The following ROBO2 variants were observed in gnomAD, a reference collection of about 807,000 sequenced individuals.
ROBO2 encodes roundabout guidance receptor 2.
A neutral mutation model predicts 160.8 loss-of-function variants in ROBO2; 53 were observed. That is an observed-to-expected ratio of 0.33 (90% CI 0.26 to 0.41). The LOEUF (loss-of-function observed/expected upper bound fraction) is 0.41, where lower values mean the gene tolerates loss of function less well. Ranked by LOEUF, ROBO2 falls within the 10% of genes least tolerant of loss-of-function variation. The pLI is 1.00. For synonymous variants in ROBO2, 664 were observed against 611.7 expected (o/e 1.09, Z -1.26); for missense variants, 1,577 against 1,722.4 (o/e 0.92, Z 1.49).
chr3:77,090,439 C>T (rs535657503), intron 1 of ROBO2, among the ~76,000 whole-genome samples: 3 of 143,536 alleles, frequency 2.1e-5, no homozygotes, highest in African/African-American at 5.2e-5. Context: ...TTGCAAGCTC[C>T]GTCTCCCGGG....
intron 2 of ROBO2, among the ~76,000 whole-genome samples, chr3:76,315,595 T>C (rs547929474): frequency 6.6e-6 from 1 of 152,318 alleles, no homozygotes; most frequent in East Asian, 1.9e-4. Context: ...TTGTAGAAGT[T>C]TTTTAACCTT....
At chr3:75,909,473 G>A (rs1946475460) in intron 1 of ROBO2, among the ~76,000 whole-genome samples, 1 of 152,204 alleles carries the variant, frequency 6.6e-6, no homozygotes, top group Non-Finnish European at 1.5e-5. Context: ...GGGGAACTAA[G>A]TATGTTATAC....
At chr3:77,288,636 A>AT (rs145775080) in intron 2 of ROBO2, among the ~76,000 whole-genome samples, 6,380 of 152,124 alleles carry the variant, frequency 0.042, 446 homozygotes, top group African/African-American at 0.15. Context: ...AACATGGCAG[A>AT]TTTTTTTTAC....
At chr3:76,714,298 C>T (rs577102068) in intron 2 of ROBO2, among the ~76,000 whole-genome samples, 2 of 152,168 alleles carry the variant, frequency 1.3e-5, no homozygotes, top group Admixed American at 1.3e-4. Flanking sequence ...GAGGTCTTTG[C>T]TCCAAGAGTT....
At chr3:77,537,274 T>G (rs1042983936) in intron 6 of ROBO2, among the ~76,000 whole-genome samples, 1 of 136,398 alleles carries the variant, frequency 7.3e-6, no homozygotes, top group Non-Finnish European at 1.5e-5. Context: ...TAATTGAGAG[T>G]TTTTTTTGTG....
At chr3:76,155,547 C>T (rs2072373846) in intron 2 of ROBO2, among the ~76,000 whole-genome samples, 1 of 152,072 alleles carries the variant, frequency 6.6e-6, no homozygotes, top group Non-Finnish European at 1.5e-5. Flanking sequence ...GAAGGGATTA[C>T]AAGAAAAGTC....
intron 2 of ROBO2, among the ~76,000 whole-genome samples, chr3:76,876,455 A>G (rs1370848966): frequency 2.0e-5 from 3 of 152,156 alleles, no homozygotes; most frequent in Non-Finnish European, 4.4e-5. Flanking sequence ...CAGACAGATC[A>G]CCTGAGGTCA....
chr3:76,263,830 CA>C (rs1224384809), intron 2 of ROBO2, among the ~76,000 whole-genome samples: 1 of 152,036 alleles, frequency 6.6e-6, no homozygotes, highest in African/African-American at 2.4e-5. Context: ...AAATGACCAT[CA>C]GTGATAAACT....
intron 2 of ROBO2, among the ~76,000 whole-genome samples, chr3:77,336,492 T>C (rs1323119502): frequency 2.0e-5 from 3 of 151,964 alleles, no homozygotes; most frequent in African/African-American, 7.2e-5. Flanking sequence ...TTTTAACCCA[T>C]CTCTTTCTCC....
chr3:76,331,302 A>T (rs529055393), intron 2 of ROBO2, among the ~76,000 whole-genome samples: 2 of 152,330 alleles, frequency 1.3e-5, no homozygotes, highest in Admixed American at 6.5e-5. Flanking sequence ...GATATTTAGC[A>T]TTCATAAATA....
At chr3:76,903,779 T>A (rs1329827997) in intron 2 of ROBO2, among the ~76,000 whole-genome samples, 2 of 152,122 alleles carry the variant, frequency 1.3e-5, no homozygotes, top group Non-Finnish European at 2.9e-5. Context: ...CCGATAGCCA[T>A]TTGCTTCTTC....
At chr3:76,299,162 C>T (rs1046118117) in intron 2 of ROBO2, among the ~76,000 whole-genome samples, 3 of 151,968 alleles carry the variant, frequency 2.0e-5, no homozygotes, top group Non-Finnish European at 4.4e-5. Context: ...GTAAAAAACA[C>T]AATAAGAAAG....
chr3:76,904,989 G>GT (rs1215014845), intron 2 of ROBO2, among the ~76,000 whole-genome samples: 4 of 152,108 alleles, frequency 2.6e-5, no homozygotes, highest in African/African-American at 9.6e-5. Context: ...TAAGTTTTTT[G>GT]TTTGTTTTTA....
At chr3:75,980,128 G>A (rs1351452847) in intron 2 of ROBO2, among the ~76,000 whole-genome samples, 2 of 151,448 alleles carry the variant, frequency 1.3e-5, no homozygotes, top group Admixed American at 6.6e-5. Context: ...ATTTCCAGAC[G>A]ATACAGGGCA....
chr3:76,404,576 CT>C (rs535751045), intron 2 of ROBO2, among the ~76,000 whole-genome samples: 11 of 147,944 alleles, frequency 7.4e-5, no homozygotes, highest in South Asian at 2.2e-4. Context: ...TAAGGGTGAA[CT>C]TTTTTTTTTA....
chr3:76,572,316 C>T (rs1329131445), intron 2 of ROBO2, among the ~76,000 whole-genome samples: 1 of 152,072 alleles, frequency 6.6e-6, no homozygotes, highest in Non-Finnish European at 1.5e-5. Context: ...TTTAACCACA[C>T]CATCATCATC....
intron 2 of ROBO2, among the ~76,000 whole-genome samples, chr3:76,966,621 A>G (rs1265966848): frequency 1.3e-5 from 2 of 152,208 alleles, no homozygotes; most frequent in Non-Finnish European, 1.5e-5. Context: ...TAATAAGAGC[A>G]TAGTCACATT....
chr3:77,282,522 G>A (rs1325929576), intron 2 of ROBO2, among the ~76,000 whole-genome samples: 3 of 151,714 alleles, frequency 2.0e-5, no homozygotes, highest in African/African-American at 7.3e-5. Context: ...GATCTTAATG[G>A]TAGGGACAGA....
intron 2 of ROBO2, among the ~76,000 whole-genome samples, chr3:77,153,877 C>G (rs372428572): frequency 6.6e-6 from 1 of 151,992 alleles, no homozygotes; most frequent in Non-Finnish European, 1.5e-5. Context: ...TGAATGTTTA[C>G]TATAACAAGA....
Sources: allele counts gnomAD v4.1 joint callset (sites outside exome capture counted in the v4.1 genomes callset), GRCh38; gene constraint gnomAD v4.1.1; transcripts MANE v1.5; gene names NCBI Gene and HGNC (gene_info 2026-07-23, HGNC 2026-07-21).